The following SPICE1 variants were observed in gnomAD, a reference collection of about 807,000 sequenced individuals.
SPICE1 encodes the protein spindle and centriole-associated protein 1.
A neutral mutation model predicts 102.7 loss-of-function variants in SPICE1; 75 were observed. The ratio of observed to expected loss-of-function variants is 0.73; its 90% CI spans 0.61 to 0.88. The LOEUF (loss-of-function observed/expected upper bound fraction) is 0.88. Among genes scored for constraint, SPICE1 ranks in the 40% least tolerant of loss-of-function variants. SPICE1 has a pLI of 0.00. For synonymous variants in SPICE1, 308 were observed against 350.3 expected (o/e 0.88, Z 1.35); for missense variants, 979 against 1,020.1 (o/e 0.96, Z 0.55).
chr3:113,501,721 C>A (rs903115200), intron 3 of SPICE1, among the ~76,000 whole-genome samples: 1 of 152,118 alleles, frequency 6.6e-6, no homozygotes, highest in Admixed American at 6.5e-5. Flanking sequence ...TGAGACAGCA[C>A]TTTACACCTA....
chr3:113,501,316 A>T (rs1448987704), intron 3 of SPICE1, among the ~76,000 whole-genome samples: 1 of 152,208 alleles, frequency 6.6e-6, no homozygotes, highest in Non-Finnish European at 1.5e-5. Flanking sequence ...AACTCTTAGA[A>T]GAAAACATAG....
At chr3:113,503,293 T>C in intron 2 of SPICE1, 66 bp from the exon 3 acceptor site, 13 of 1,438,776 alleles carry the variant, frequency 9.0e-6, no homozygotes, top group South Asian at 1.4e-5. Flanking sequence ...TACACATTTA[T>C]TGGATTTTAA....
In SPICE1 at chr3:113,444,355, C is replaced by G. The variant is rs1935463540; in HGVS notation, c.*952G>C. Reference sequence around the variant, plus strand: ...TCTCTACTGAAAATACACAAATTAGCTGGGCGTGGTGGCATGAACCTATAA... The same window carrying G: ...TCTCTACTGAAAATACACAAATTAGGTGGGCGTGGTGGCATGAACCTATAA... On this transcript the variant is annotated 3_prime_UTR_variant, in exon 18 of 18. Transcript: ENST00000295872. The G allele has an allele frequency of 6.6e-6, 1 of 152,026 alleles. No homozygotes were observed. Among genetic ancestry groups the G allele is most frequent in the Non-Finnish European group, 1.5e-5 (1 of 68,058 alleles). 9.4% of individuals were successfully genotyped at this position (152,026 alleles called of 1,614,324 possible).
chr3:113,479,075 T>G (rs573295732), intron 7 of SPICE1, among the ~76,000 whole-genome samples: 8 of 151,084 alleles, frequency 5.3e-5, no homozygotes, highest in South Asian at 2.1e-4. Context: ...GCTGCACCCA[T>G]TAACTCGTCA....
chr3:113,450,327 G>T lies in SPICE1; in HGVS notation c.2323+9C>A, dbSNP rs760564384. 6.2e-7 allele frequency: 1 copy of T among 1,613,786 alleles called. No individual in the cohort carries two copies. Among genetic ancestry groups the T allele is most frequent in the Admixed American group, 1.7e-5 (1 of 60,000 alleles). ...TTTCTAGTTTTTAAATCATGAATTT[G>T]TGACCAACCAGTCCATGCTCTGAGA... On this transcript the variant is annotated intron_variant, in intron 15 of 17. Coordinates refer to ENST00000295872, the MANE Select transcript of SPICE1 (RefSeq NM_144718.4).
chr3:113,447,998 T>C (rs1935555024), intron 16 of SPICE1, 40 bp downstream of exon 16: 6 of 1,530,418 alleles, frequency 3.9e-6, no homozygotes, highest in African/African-American at 1.4e-5. Flanking sequence ...AAATTCTTTT[T>C]GATTTTTTTT....
At chr3:113,472,207 G>A (rs1047785128) in intron 7 of SPICE1, among the ~76,000 whole-genome samples, 1 of 152,220 alleles carries the variant, frequency 6.6e-6, no homozygotes, top group Non-Finnish European at 1.5e-5. Flanking sequence ...AGATCAAACT[G>A]CAAGGCGGCA....
rs1444722015 is a variant in SPICE1 at position 113,479,131 on chromosome 3, C to T, written c.611+9814G>A. Among the ~76,000 whole-genome samples the T allele has an allele frequency of 1.6e-4, 19 of 122,172 alleles. No homozygotes were observed. The East Asian group carries it at 4.9e-3, about 31-fold the overall frequency. The allele number at this position is 122,172 out of a possible 152,430, so 80.1% of individuals were successfully genotyped here. A position where few individuals can be genotyped will look rare whatever the true frequency, so the allele number is the denominator to read the frequency against. ...CTAATGCTATCCCTCCCCCCACCCC[C>T]CACCCCACAACAGTCGCCAGTGTGT... On this transcript the variant is annotated intron_variant, in intron 7 of 17. Coordinates refer to ENST00000295872, the MANE Select transcript of SPICE1 (RefSeq NM_144718.4).
At chr3:113,477,378 C>T (rs1420867090) in intron 7 of SPICE1, among the ~76,000 whole-genome samples, 1 of 151,882 alleles carries the variant, frequency 6.6e-6, no homozygotes, top group Non-Finnish European at 1.5e-5. Flanking sequence ...GTCAGTGTGG[C>T]GATTCCTCAG....
In SPICE1 at chr3:113,459,428, A is replaced by T. The variant is rs548891191; in HGVS notation, c.1435+1189T>A. The T allele has an allele frequency of 1.8e-4, 170 of 956,310 alleles. No individual in the cohort carries two copies. The African/African-American group carries it at 2.9e-3, about 16-fold the overall frequency. The allele number at this position is 956,310 out of a possible 1,614,324, so 59.2% of individuals were successfully genotyped here. A position where few individuals can be genotyped will look rare whatever the true frequency, so the allele number is the denominator to read the frequency against. On this transcript the variant is annotated intron_variant, in intron 12 of 17. Transcript: ENST00000295872. ...GAATGATCAATAAATACTAAAAAAAATTAAAAACAAAACAAAACAAAACAA... is the reference window on the plus strand; with the variant it reads ...GAATGATCAATAAATACTAAAAAAATTTAAAAACAAAACAAAACAAAACAA...
At chr3:113,460,475 A>G (rs748209609) in intron 12 of SPICE1, 142 bp downstream of exon 12, 3 of 1,395,818 alleles carry the variant, frequency 2.1e-6, no homozygotes, top group Non-Finnish European at 1.9e-6. Context: ...CTGGAAAAGT[A>G]GTGGCAACTG....
intron 2 of SPICE1, among the ~76,000 whole-genome samples, chr3:113,504,081 A>T (rs182027598): frequency 6.6e-6 from 1 of 152,180 alleles, no homozygotes; most frequent in Admixed American, 6.5e-5. Flanking sequence ...CAGTCAGTTA[A>T]ATTAAAAGGC....
chr3:113,450,143 T>C (rs1028331320), intron 15 of SPICE1, 193 bp downstream of exon 15: 2 of 603,400 alleles, frequency 3.3e-6, no homozygotes, highest in Admixed American at 5.9e-5. Flanking sequence ...AGGATAGAAA[T>C]AATCAGGAGA....
intron 6 of SPICE1, 26 bp downstream of exon 6, chr3:113,493,180 T>C (rs746108857): frequency 6.0e-6 from 9 of 1,501,034 alleles, no homozygotes; most frequent in Non-Finnish European, 8.1e-6. Flanking sequence ...AGCATGAGTG[T>C]TATAGCTGTG....
intron 6 of SPICE1, among the ~76,000 whole-genome samples, chr3:113,491,665 C>T (rs1184030981): frequency 2.8e-5 from 4 of 141,212 alleles, no homozygotes; most frequent in African/African-American, 7.9e-5. Context: ...TCTATAGCAA[C>T]ACCAATTTCC....
intron 8 of SPICE1, 75 bp downstream of exon 8, chr3:113,469,024 C>T (rs1936130706): frequency 1.3e-6 from 2 of 1,563,340 alleles, no homozygotes; most frequent in Non-Finnish European, 1.7e-6. Flanking sequence ...AAATAACATT[C>T]CTTCAAAAAT....
intron 12 of SPICE1, chr3:113,459,991 A>C: frequency 1.0e-6 from 1 of 985,462 alleles, no homozygotes. Flanking sequence ...ACTTCTTAGA[A>C]TCCATCCTAA....
intron 1 of SPICE1, among the ~76,000 whole-genome samples, chr3:113,512,672 G>A (rs1224417818): frequency 6.6e-6 from 1 of 152,094 alleles, no homozygotes; most frequent in Non-Finnish European, 1.5e-5. Flanking sequence ...CTCCCAAAGT[G>A]CTGGGATTAC....
intron 7 of SPICE1, among the ~76,000 whole-genome samples, chr3:113,486,797 G>A (rs1936658334): frequency 6.7e-6 from 1 of 149,848 alleles, no homozygotes; most frequent in South Asian, 2.1e-4. Context: ...AATATAGTAC[G>A]TTACCTTTTA....
Sources: allele counts gnomAD v4.1 joint callset (sites outside exome capture counted in the v4.1 genomes callset), GRCh38; gene constraint gnomAD v4.1.1; transcripts MANE v1.5; gene names NCBI Gene and HGNC (gene_info 2026-07-23, HGNC 2026-07-21).